The following SNRNP200 variants were observed in gnomAD, a reference collection of about 807,000 sequenced individuals.
SNRNP200 encodes small nuclear ribonucleoprotein U5 subunit 200, also known as U5 small nuclear ribonucleoprotein 200 kDa helicase.
Under a neutral mutation model 255.2 loss-of-function variants are expected in SNRNP200, and 66 were observed. The observed-to-expected ratio is 0.26, with a 90% CI of 0.21 to 0.32. SNRNP200 has a LOEUF of 0.32. Among genes scored for constraint, SNRNP200 ranks in the 10% least tolerant of loss-of-function variants. The pLI, the probability that SNRNP200 is intolerant of heterozygous loss-of-function variation, is 1.00. For synonymous variants in SNRNP200, 939 were observed against 1,027.8 expected, an observed-to-expected ratio of 0.91 and a Z score of 1.65; for missense variants, 1,585 against 2,749.8, an observed-to-expected ratio of 0.58 and a Z score of 9.47.
Position 96,291,312 on chromosome 2 carries a change from C to A in SNRNP200, c.2421+80G>T. 2.3e-6 allele frequency: 2 copies of A among 869,492 alleles called. No individual in the cohort carries two copies. Among genetic ancestry groups the A allele is most frequent in the Non-Finnish European group, 2.0e-6 (1 of 502,348 alleles). The allele number at this position is 869,492 out of a possible 1,614,324, so 53.9% of individuals were successfully genotyped here. On this transcript the variant is annotated intron_variant, in intron 18 of 44. Coordinates refer to ENST00000323853, the MANE Select transcript of SNRNP200 (RefSeq NM_014014.5). The surrounding 1 kb of genome is among the most constrained non-coding windows in gnomAD (Gnocchi z 4.2). ...GCCAGAAGCAATAAAGTACCAGGAG[C>A]AAACATGGCACAAACTTGACATTGC...
chr2:96,291,510 A>T lies in SNRNP200; in HGVS notation c.2311-8T>A. 6.4e-7 allele frequency: 1 copy of T among 1,572,916 alleles called. No homozygotes were observed. Among genetic ancestry groups the T allele is most frequent in the South Asian group, 1.1e-5 (1 of 90,290 alleles). On this transcript the variant is annotated splice_polypyrimidine_tract_variant and splice_region_variant and intron_variant, in intron 17 of 44. Coordinates refer to ENST00000323853, the MANE Select transcript of SNRNP200 (RefSeq NM_014014.5). The surrounding 1 kb of genome is among the most constrained non-coding windows in gnomAD (Gnocchi z 4.2). ...ATCCTTCAGCTCTAGGTTCTGTGGA[A>T]CAAAGAACCGGGGATGAGGCGAGCC...
intron 14 of SNRNP200, among the ~76,000 whole-genome samples, chr2:96,294,093 A>C (rs556162479): frequency 2.0e-5 from 3 of 148,330 alleles, no homozygotes; most frequent in African/African-American, 7.5e-5. Context: ...TAAAGCAGGG[A>C]CCAGAAATGT....
rs1329623746 is a variant in SNRNP200 at position 96,298,985 on chromosome 2, C to A, written c.730-18G>T. Reference sequence around the variant, plus strand: ...GCTACGAGCTATAAAAGTAACCAGGCATTTAGCTCACCAGGTCTCTGCCAG... The same window carrying A: ...GCTACGAGCTATAAAAGTAACCAGGAATTTAGCTCACCAGGTCTCTGCCAG... On this transcript the variant is annotated intron_variant, in intron 6 of 44. Coordinates refer to ENST00000323853, the MANE Select transcript of SNRNP200 (RefSeq NM_014014.5). The A allele has an allele frequency of 6.2e-7, 1 of 1,613,598 alleles. No homozygotes were observed. Among genetic ancestry groups the A allele is most frequent in the East Asian group, 2.2e-5 (1 of 44,888 alleles).
rs1354265248 is a variant in SNRNP200 at position 96,293,470 on chromosome 2, A to G, written c.1882T>C (p.Leu628=). 2 of 1,612,614 alleles carry G rather than the reference A, an allele frequency of 1.2e-6. No individual in the cohort carries two copies. The highest frequency in any genetic ancestry group is 2.7e-5 in the African/African-American group (2 of 74,900). ...HLLHDDRGPV[L]EALVARAIRN... The stretch of plus-strand genomic sequence containing the variant: ...ATGGCCCTGGCCACTAAAGCTTCTA[A>G]GACAGGACCTCTGTCATCGTGGAGA... Residue 628 remains leucine (L), a synonymous_variant, in exon 15 of 45, where the codon TTA becomes CTA. Coordinates refer to ENST00000323853, the MANE Select transcript of SNRNP200 (RefSeq NM_014014.5).
intron 1 of SNRNP200, 31 bp downstream of exon 1, chr2:96,305,362 G>C: frequency 6.2e-7 from 1 of 1,613,844 alleles, no homozygotes; most frequent in East Asian, 2.2e-5. Flanking sequence ...GGACTCCTGA[G>C]CCTGGAATCC....
rs3217720 is a variant in SNRNP200, at chr2:96,288,449, TC to T, written c.3258+213del. Among the ~76,000 whole-genome samples the T allele has an allele frequency of 1.4e-3, 206 of 152,290 alleles. 5 individuals carry two copies. In the East Asian group the frequency reaches 0.035, roughly 26 times the overall value. On this transcript the variant is annotated intron_variant, in intron 24 of 44. Transcript: ENST00000323853. ...GAGGGCCCGTGGAGCCTCGAAGCAT[TC>T]CCTCTTAAGGTCTTACCTTTCCCAC...
Position 96,277,417 on chromosome 2 carries a change from C to G in SNRNP200, c.5931+122G>C. 2 of 1,348,020 alleles carry G rather than the reference C, an allele frequency of 1.5e-6. No homozygotes were observed. The highest frequency in any genetic ancestry group is 2.1e-6 in the Non-Finnish European group (2 of 949,228). 83.5% of individuals were successfully genotyped at this position (1,348,020 alleles called of 1,614,324 possible). A position where few individuals can be genotyped will look rare whatever the true frequency, so the allele number is the denominator to read the frequency against. ...TCTCTAGCATCTCAACAGGGAGCAC[C>G]TTCGGAGGAACCATAACTAAAAGTT... On this transcript the variant is annotated intron_variant, in intron 41 of 44. Transcript: ENST00000323853. The surrounding 1 kb of genome is among the most constrained non-coding windows in gnomAD (Gnocchi z 4.4).
In SNRNP200 at chr2:96,275,024, A is replaced by G; in HGVS notation, c.6399T>C (p.Ser2133=). Residue 2133 remains serine (S), a synonymous_variant, in exon 45 of 45, where the codon AGT becomes AGC. Coordinates refer to ENST00000323853, the MANE Select transcript of SNRNP200 (RefSeq NM_014014.5). ...AATGCCTCAGGACTCAATCTGAATC[A>G]CTGTCTGTCTCAGCTTCTTTCACAT... ...SVDVKEAETD[S]DSD 6.2e-7 allele frequency: 1 copy of G among 1,614,188 alleles called. No individual in the cohort carries two copies. The highest frequency in any genetic ancestry group is 8.5e-7 in the Non-Finnish European group (1 of 1,180,048).
Position 96,297,074 on chromosome 2 carries a change from G to A in SNRNP200, c.1378-4C>T. On this transcript the variant is annotated splice_polypyrimidine_tract_variant and splice_region_variant and intron_variant, in intron 11 of 44. Coordinates refer to ENST00000323853, the MANE Select transcript of SNRNP200 (RefSeq NM_014014.5). ...GCTTTTCCACTGGAAGCAGTTGCTA[G>A]AAGAAAAGAAGTGCCATCAATATCA... The A allele has an allele frequency of 1.2e-6, 2 of 1,614,210 alleles. No individual in the cohort carries two copies. The highest frequency in any genetic ancestry group is 1.7e-6 in the Non-Finnish European group (2 of 1,180,046).
rs1684711729 is a variant in SNRNP200, at chr2:96,278,711, C to T, written c.5324G>A (p.Gly1775Asp). 1 of 1,614,080 alleles carries T rather than the reference C, an allele frequency of 6.2e-7. No individual in the cohort carries two copies. Among genetic ancestry groups the T allele is most frequent in the Non-Finnish European group, 8.5e-7 (1 of 1,180,046 alleles). ...GTCCGACAAGTGACGATGGGAGATG[C>T]CTATGGAGGCGAGAGGTGAGTGGGG... Reference protein sequence around the residue: ...TQNPNYYNLQGISHRHLSDHL... With the variant: ...TQNPNYYNLQDISHRHLSDHL... Residue 1775 changes from glycine to aspartate, a missense_variant and splice_region_variant, in exon 38 of 45, where the codon GGC becomes GAC. This residue lies in a region of SNRNP200 where 279 missense variants were observed against 551.2 expected (regional missense o/e 0.51). Coordinates refer to ENST00000323853, the MANE Select transcript of SNRNP200 (RefSeq NM_014014.5). The surrounding 1 kb of genome is among the most constrained non-coding windows in gnomAD (Gnocchi z 6.9).
chr2:96,294,330 C>T (rs541621756), intron 14 of SNRNP200, among the ~76,000 whole-genome samples: 5 of 151,906 alleles, frequency 3.3e-5, no homozygotes, highest in Admixed American at 1.3e-4. Flanking sequence ...CCCAGCTACT[C>T]GGGAGACTGA....
In SNRNP200 at chr2:96,297,680, A is replaced by C. The variant is rs749323422; in HGVS notation, c.1160T>G (p.Met387Arg). Reference sequence around the variant, plus strand: ...ATCCATGGTTTCCAGATCTGTGTCCATTCGAGACTGACGCACTCGCTCTCT... The same window carrying C: ...ATCCATGGTTTCCAGATCTGTGTCCCTTCGAGACTGACGCACTCGCTCTCT... ...SRRERVRQSR[M>R]DTDLETMDLD... The change falls in exon 10 of 45, where the codon ATG becomes AGG. Residue 387 changes from methionine (M) to arginine (R), a missense_variant. Transcript: ENST00000323853. The C allele has an allele frequency of 6.2e-7, 1 of 1,614,232 alleles. No homozygotes were observed. The highest frequency in any genetic ancestry group is 1.1e-5 in the South Asian group (1 of 91,086).
Position 96,281,898 on chromosome 2 carries a change from G to C in SNRNP200, c.4940C>G (p.Ser1647Cys). Residue 1647 changes from serine to cysteine, a missense_variant, in exon 35 of 45, where the codon TCT becomes TGT. Around this residue, in one of 9 missense-constraint regions of SNRNP200, gnomAD observed 719 missense variants for 1,091.1 expected, o/e 0.66. Coordinates refer to ENST00000323853, the MANE Select transcript of SNRNP200 (RefSeq NM_014014.5). ...GTTCATGCCCCAGCAGAGACTCCGA[G>C]AAGCCACCACCACCTGGATAGCCCC... is the stretch of plus-strand genomic sequence containing the variant. ...SSGAIQVVVASRSLCWGMNVA... is the reference protein window; with the variant it reads ...SSGAIQVVVACRSLCWGMNVA... 1 of 1,614,096 alleles carries C rather than the reference G, an allele frequency of 6.2e-7. No individual in the cohort carries two copies. The highest frequency in any genetic ancestry group is 8.5e-7 in the Non-Finnish European group (1 of 1,179,992).
chr2:96,297,576 AG>A, intron 10 of SNRNP200, 40 bp from the exon 11 acceptor site: 1 of 1,614,210 alleles, frequency 6.2e-7, no homozygotes, highest in Non-Finnish European at 8.5e-7. Context: ...GAAGTAAGCA[AG>A]CCGAGCAAGT....
Position 96,277,121 on chromosome 2 carries a change from C to T in SNRNP200, c.6052G>A (p.Glu2018Lys). Residue 2018 changes from glutamate to lysine, a missense_variant, in exon 42 of 45, where the codon GAA becomes AAA. This residue lies in a region of SNRNP200 where 279 missense variants were observed against 551.2 expected (regional missense o/e 0.51). Transcript: ENST00000323853. This position sits in a 1 kb window ranked among gnomAD's most constrained non-coding sequence, Gnocchi z 4.4. ...ARFCNRYPNI[E>K]LSYEVVDKDS... ...TTATCTACCACCTCATAAGATAGTT[C>T]GATATTAGGGTAGCGGTTACAAAAG... The T allele has an allele frequency of 1.2e-6, 2 of 1,614,130 alleles. No individual in the cohort carries two copies. The highest frequency in any genetic ancestry group is 1.7e-6 in the Non-Finnish European group (2 of 1,180,032).
Position 96,304,824 on chromosome 2 carries a change from C to T in SNRNP200, c.90G>A (p.Arg30=). 6.2e-7 allele frequency: 1 copy of T among 1,614,152 alleles called. No individual in the cohort carries two copies. Among genetic ancestry groups the T allele is most frequent in the Non-Finnish European group, 8.5e-7 (1 of 1,180,024 alleles). ...CTCCTGTGGGTTCATCCCGGCGGGT[C>T]CGGTCAATGAGAGAACGGTCAGCTT... ...VLQADRSLID[R]TRRDEPTGEV... is the part of the protein sequence containing the mutation. The change falls in exon 2 of 45, where the codon CGG becomes CGA. Residue 30 remains arginine (R), a synonymous_variant. Coordinates refer to ENST00000323853, the MANE Select transcript of SNRNP200 (RefSeq NM_014014.5).
Position 96,279,007 on chromosome 2 carries a change from T to C in SNRNP200, c.5134-9A>G, listed in dbSNP as rs372087501. The C allele has an allele frequency of 1.2e-6, 2 of 1,610,824 alleles. No homozygotes were observed. The highest frequency in any genetic ancestry group is 1.7e-6 in the Non-Finnish European group (2 of 1,177,260). On this transcript the variant is annotated splice_polypyrimidine_tract_variant and intron_variant, in intron 36 of 44. Coordinates refer to ENST00000323853, the MANE Select transcript of SNRNP200 (RefSeq NM_014014.5). ...AACTTCTTGAAGAAATCCTGTGGGTTGGAGAGGGAGAAGGAGTAATAAAGA... is the reference window on the plus strand; with the variant it reads ...AACTTCTTGAAGAAATCCTGTGGGTCGGAGAGGGAGAAGGAGTAATAAAGA...
Position 96,283,938 on chromosome 2 carries a change from T to C in SNRNP200, c.4459A>G (p.Ile1487Val). The change falls in exon 32 of 45, where the codon ATT (isoleucine) becomes GTT (valine). Residue 1487 changes from isoleucine (I) to valine (V), a missense_variant. Ile to Val is a conservative substitution (Grantham distance 29, BLOSUM62 3). Coordinates refer to ENST00000323853, the MANE Select transcript of SNRNP200 (RefSeq NM_014014.5). This position sits in a 1 kb window ranked among gnomAD's most constrained non-coding sequence, Gnocchi z 4.7. ...ISSQIERPIR[I>V]VALSSSLSNA... is the part of the protein sequence containing the mutation. The stretch of plus-strand genomic sequence containing the variant: ...GAGAGCGAAGAGCTGAGTGCCACAA[T>C]GCGAATGGGCCGCTCAATCTGGGAG... The C allele has an allele frequency of 6.3e-7, 1 of 1,597,270 alleles. No homozygotes were observed. The highest frequency in any genetic ancestry group is 1.1e-5 in the South Asian group (1 of 88,846).
intron 35 of SNRNP200, among the ~76,000 whole-genome samples, chr2:96,280,848 C>CTTT (rs985439781): frequency 1.5e-4 from 17 of 114,854 alleles, no homozygotes; most frequent in East Asian, 5.5e-4. Flanking sequence ...ACACCTGGCC[C>CTTT]TTTTTTTTTT....
Sources: allele counts gnomAD v4.1 joint callset (sites outside exome capture counted in the v4.1 genomes callset), GRCh38; gene constraint gnomAD v4.1.1; regional missense constraint gnomAD v4.1.1; non-coding constraint Gnocchi (gnomAD v3.1); transcripts MANE v1.5; gene names NCBI Gene and HGNC (gene_info 2026-07-23, HGNC 2026-07-21).